The following SYCP1 variants were observed in gnomAD, a reference collection of about 807,000 sequenced individuals.
SYCP1 encodes the protein cancer/testis antigen 8.
SYCP1 carries 64 observed loss-of-function variants against 153.1 expected under a neutral mutation model. The ratio of observed to expected loss-of-function variants is 0.42; its 90% CI spans 0.34 to 0.51. The LOEUF (loss-of-function observed/expected upper bound fraction) is 0.51, where lower values mean the gene tolerates loss of function less well. SYCP1 is among the 20% of genes least tolerant of loss of function. SYCP1 has a pLI of 0.06. For missense variants in SYCP1, 997 were observed against 1,049.0 expected, an observed-to-expected ratio of 0.95 and a Z score of 0.68; for synonymous variants, 384 against 341.8, an observed-to-expected ratio of 1.12 and a Z score of -1.36.
At chr1:114,934,415 A>C (rs1669847232) in intron 23 of SYCP1, among the ~76,000 whole-genome samples, 1 of 152,238 alleles carries the variant, frequency 6.6e-6, no homozygotes, top group South Asian at 2.1e-4. Context: ...GGAAGCACTA[A>C]ACATGGAAAA....
chr1:114,972,810 C>G, intron 27 of SYCP1, among the ~76,000 whole-genome samples: 1 of 152,038 alleles, frequency 6.6e-6, no homozygotes, highest in East Asian at 1.9e-4. Flanking sequence ...TGTTTTGTGG[C>G]TAGCATATGG....
At chr1:114,899,867 C>T (rs1324623904) in intron 16 of SYCP1, among the ~76,000 whole-genome samples, 12 of 152,242 alleles carry the variant, frequency 7.9e-5, no homozygotes, top group African/African-American at 1.9e-4. Context: ...TCTGAAGCAT[C>T]GGAAAAGCCT....
At position 114,994,708 on chromosome 1, in the gene SYCP1, CAGA is replaced by C. The variant is rs752332597; in HGVS notation, c.2721_2723del (p.Glu908del). On this transcript the variant is annotated inframe_deletion, in exon 31 of 32. Transcript: ENST00000369522. ...TTATTTTTCTTCAAGAGCATGGTTT[CAGA>C]AGAAGAGACATTGAAAACACTGTAT... The C allele has an allele frequency of 1.3e-6, 2 of 1,559,140 alleles. No individual in the cohort carries two copies. The highest frequency in any genetic ancestry group is 2.1e-5 in the Admixed American group (1 of 46,736).
At chr1:114,873,308 T>G (rs762210484) in intron 8 of SYCP1, among the ~76,000 whole-genome samples, 1 of 152,160 alleles carries the variant, frequency 6.6e-6, no homozygotes, top group Non-Finnish European at 1.5e-5. Context: ...TATAGACCTA[T>G]GGTTAGGTCT....
chr1:114,888,451 G>A (rs976200251), intron 15 of SYCP1, among the ~76,000 whole-genome samples: 1 of 151,386 alleles, frequency 6.6e-6, no homozygotes, highest in African/African-American at 2.4e-5. Flanking sequence ...GGAAATGTGT[G>A]CTTTACATTT....
intron 10 of SYCP1, 38 bp from the exon 11 acceptor site, chr1:114,876,699 T>C: frequency 9.5e-7 from 1 of 1,052,828 alleles, no homozygotes; most frequent in Non-Finnish European, 1.3e-6. Flanking sequence ...TATAAAATTA[T>C]GTTATGACAT....
In SYCP1 at chr1:114,857,213, G is replaced by A; in HGVS notation, c.194-19G>A. On this transcript the variant is annotated intron_variant, in intron 3 of 31. Transcript: ENST00000369522. ...AAAGATGTTGGCGTATTTAATACCT[G>A]TTGTCTTTTATCTTGCAGATCCTGC... 6.5e-7 allele frequency: 1 copy of A among 1,550,384 alleles called. No individual in the cohort carries two copies. The highest frequency in any genetic ancestry group is 1.2e-5 in the South Asian group (1 of 82,040).
chr1:114,957,754 G>A (rs994106038), intron 27 of SYCP1, among the ~76,000 whole-genome samples: 1 of 152,124 alleles, frequency 6.6e-6, no homozygotes, highest in African/African-American at 2.4e-5. Flanking sequence ...ACACCTATTA[G>A]GATGGCTGTT....
At chr1:114,855,404 A>G in intron 1 of SYCP1, 37 bp from the exon 2 acceptor site, 2 of 1,320,900 alleles carry the variant, frequency 1.5e-6, no homozygotes, top group Non-Finnish European at 2.0e-6. Context: ...CGGTGAAAAA[A>G]AACTTTCCTT....
rs181309750 is a variant in SYCP1, at chr1:114,863,924, C to T, written c.598+3115C>T. ...ACTCATAAGTGGGAGTTGAACAATG[C>T]GAACACATGGACACAGGGAGGGGAA... is the stretch of plus-strand genomic sequence containing the variant. On this transcript the variant is annotated intron_variant, in intron 8 of 31. Coordinates refer to ENST00000369522, the MANE Select transcript of SYCP1 (RefSeq NM_003176.4). Among the ~76,000 whole-genome samples, 1,238 of 144,238 alleles carry T rather than the reference C, an allele frequency of 8.6e-3. 9 individuals are homozygous for T. The highest frequency in any genetic ancestry group is 0.014 in the Non-Finnish European group (907 of 66,944). The allele number at this position is 144,238 out of a possible 152,430, so 94.6% of individuals were successfully genotyped here.
In SYCP1 at chr1:114,885,649, T is replaced by A. The variant is rs1201883004; in HGVS notation, c.1005+20T>A. ...AGTGTGGTATGATTTAAAAACTCATTAGTGTGTAATAAGTCTCACCCTATC... is the reference window on the plus strand; with the variant it reads ...AGTGTGGTATGATTTAAAAACTCATAAGTGTGTAATAAGTCTCACCCTATC... On this transcript the variant is annotated intron_variant, in intron 13 of 31. Transcript: ENST00000369522. 7.3e-7 allele frequency: 1 copy of A among 1,374,542 alleles called. No individual in the cohort carries two copies. Among genetic ancestry groups the A allele is most frequent in the Non-Finnish European group, 1.0e-6 (1 of 989,610 alleles). 85.1% of individuals were successfully genotyped at this position (1,374,542 alleles called of 1,614,324 possible). A position where few individuals can be genotyped will look rare whatever the true frequency, so the allele number is the denominator to read the frequency against.
rs749670360 is a variant in SYCP1, at chr1:114,857,484, ACT to A, written c.281_282del (p.Ser94Ter). 1.9e-6 allele frequency: 3 copies of A among 1,597,728 alleles called. No individual in the cohort carries two copies. Among genetic ancestry groups the A allele is most frequent in the Non-Finnish European group, 2.6e-6 (3 of 1,171,718 alleles). Reference sequence around the variant, plus strand: ...TGTCACTATCAGGAAGGACTAAAAGACTCTGATTTGGAGGTCAGAAGATTTCC... The same window carrying A: ...TGTCACTATCAGGAAGGACTAAAAGACTGATTTGGAGGTCAGAAGATTTCC... On this transcript the variant is annotated frameshift_variant, in exon 5 of 32. Coordinates refer to ENST00000369522, the MANE Select transcript of SYCP1 (RefSeq NM_003176.4). LOFTEE classifies it high-confidence loss of function.
chr1:114,910,198 G>A (rs1668086542), intron 16 of SYCP1, 199 bp from the exon 17 acceptor site: 1 of 372,164 alleles, frequency 2.7e-6, no homozygotes, highest in Non-Finnish European at 5.0e-6. Flanking sequence ...TAATTATTGT[G>A]TTCCAGGGCT....
intron 11 of SYCP1, 74 bp downstream of exon 11, chr1:114,876,884 T>C: frequency 1.3e-6 from 1 of 780,298 alleles, no homozygotes; most frequent in Non-Finnish European, 1.8e-6. Flanking sequence ...TCAAAAGAAG[T>C]TTATATTTAC....
chr1:114,981,580 A>G (rs1011930289), intron 29 of SYCP1, 68 bp downstream of exon 29: 5 of 1,389,956 alleles, frequency 3.6e-6, no homozygotes, highest in Non-Finnish European at 4.9e-6. Flanking sequence ...TGTTATCACC[A>G]TATATCTGGC....
chr1:114,907,603 A>G (rs910370124), intron 16 of SYCP1, among the ~76,000 whole-genome samples: 2 of 134,060 alleles, frequency 1.5e-5, no homozygotes, highest in African/African-American at 2.8e-5. Context: ...TTTTTTTTAG[A>G]TGGAGTCTTG....
intron 27 of SYCP1, among the ~76,000 whole-genome samples, chr1:114,968,511 G>A (rs1160371642): frequency 6.6e-6 from 1 of 152,172 alleles, no homozygotes; most frequent in Non-Finnish European, 1.5e-5. Context: ...TTCTCATGCT[G>A]TGTTTTTCAG....
At chr1:114,878,295 T>TTTC (rs1275086877) in intron 12 of SYCP1, 93 bp downstream of exon 12, 22 of 825,248 alleles carry the variant, frequency 2.7e-5, no homozygotes, top group Non-Finnish European at 5.8e-6. Flanking sequence ...GTTGTAATGC[T>TTTC]TTCTAGTACT....
intron 8 of SYCP1, among the ~76,000 whole-genome samples, chr1:114,864,374 C>T (rs1457886580): frequency 6.6e-6 from 1 of 152,062 alleles, no homozygotes; most frequent in East Asian, 1.9e-4. Flanking sequence ...AGATGAGAGC[C>T]TGTTCAATCT....
Sources: allele counts gnomAD v4.1 joint callset (sites outside exome capture counted in the v4.1 genomes callset), GRCh38; gene constraint gnomAD v4.1.1; transcripts MANE v1.5; gene names NCBI Gene and HGNC (gene_info 2026-07-23, HGNC 2026-07-21).